The following PRKG1 variants were observed in gnomAD, a reference collection of about 807,000 sequenced individuals.
The protein encoded by PRKG1 is cGMP-dependent protein kinase 1.
Under a neutral mutation model 88.1 loss-of-function variants are expected in PRKG1, and 35 were observed. That is an observed-to-expected ratio of 0.40 (90% CI 0.30 to 0.53). The LOEUF is 0.53. PRKG1 is among the 20% of genes least tolerant of loss of function. PRKG1 has a pLI of 0.59. For missense variants in PRKG1, 540 were observed against 839.8 expected (o/e 0.64, Z 4.41); for synonymous variants, 303 against 292.5 (o/e 1.04, Z -0.37).
chr10:51,558,951 T>C (rs1837385833), intron 3 of PRKG1, among the ~76,000 whole-genome samples: 1 of 152,104 alleles, frequency 6.6e-6, no homozygotes, highest in Non-Finnish European at 1.5e-5. Context: ...CCCATGTCAT[T>C]GTGTTGTATC....
intron 3 of PRKG1, among the ~76,000 whole-genome samples, chr10:51,476,245 C>G (rs1397934259): frequency 6.6e-6 from 1 of 151,980 alleles, no homozygotes; most frequent in African/African-American, 2.4e-5. Context: ...TTGAAGGATA[C>G]AGGCAAGGAC....
chr10:51,213,352 A>T (rs1214612996), intron 2 of PRKG1, among the ~76,000 whole-genome samples: 1 of 152,156 alleles, frequency 6.6e-6, no homozygotes, highest in Non-Finnish European at 1.5e-5. Context: ...GCATTAGGAG[A>T]TATACCTAAT....
At chr10:51,348,374 C>T (rs527616459) in intron 2 of PRKG1, among the ~76,000 whole-genome samples, 43 of 152,118 alleles carry the variant, frequency 2.8e-4, no homozygotes, top group Admixed American at 6.5e-4. Flanking sequence ...AATATATAAT[C>T]TTTCAAAATA....
intron 3 of PRKG1, among the ~76,000 whole-genome samples, chr10:51,511,400 G>A (rs141711283): frequency 8.2e-4 from 124 of 152,114 alleles, no homozygotes; most frequent in African/African-American, 2.8e-3. Flanking sequence ...TAAAATGAAG[G>A]TACAACCCAC....
At chr10:51,377,395 A>C (rs1308634339) in intron 2 of PRKG1, among the ~76,000 whole-genome samples, 1 of 152,230 alleles carries the variant, frequency 6.6e-6, no homozygotes, top group Non-Finnish European at 1.5e-5. Context: ...GGCCATTACT[A>C]TCATATTATG....
At chr10:52,124,132 GACAGAGTAAGAC>G (rs1847880682) in intron 7 of PRKG1, among the ~76,000 whole-genome samples, 1 of 152,282 alleles carries the variant, frequency 6.6e-6, no homozygotes, top group South Asian at 2.1e-4. Flanking sequence ...GAGGAAGCAG[GACAGAGTAAGAC>G]TTAATTAAGC....
intron 3 of PRKG1, among the ~76,000 whole-genome samples, chr10:51,652,553 G>A (rs1266210879): frequency 2.6e-5 from 4 of 151,996 alleles, no homozygotes; most frequent in Non-Finnish European, 5.9e-5. Context: ...TCATGTCATC[G>A]ATCCCATTTC....
chr10:51,289,395 C>T (rs1840524478), intron 2 of PRKG1, among the ~76,000 whole-genome samples: 1 of 152,336 alleles, frequency 6.6e-6, no homozygotes, highest in Admixed American at 6.5e-5. Context: ...TATCCAGTCA[C>T]TGCTGATGCT....
intron 2 of PRKG1, 61 bp downstream of exon 2, chr10:51,153,391 C>A: frequency 1.4e-6 from 2 of 1,450,866 alleles, no homozygotes; most frequent in Non-Finnish European, 1.9e-6. Flanking sequence ...TTATCAGCTG[C>A]ACACAGATGG....
chr10:52,266,669 A>G (rs912797940), intron 10 of PRKG1, among the ~76,000 whole-genome samples: 3 of 152,064 alleles, frequency 2.0e-5, no homozygotes, highest in Admixed American at 2.0e-4. Flanking sequence ...TGTTTGATAC[A>G]TAACACTTTT....
intron 2 of PRKG1, among the ~76,000 whole-genome samples, chr10:51,282,821 A>G (rs1840335218): frequency 6.6e-6 from 1 of 152,006 alleles, no homozygotes; most frequent in South Asian, 2.1e-4. Context: ...TGCTGATTAA[A>G]CTTTTTTGAA....
At chr10:51,817,820 A>C (rs954043236) in intron 4 of PRKG1, among the ~76,000 whole-genome samples, 3 of 152,170 alleles carry the variant, frequency 2.0e-5, no homozygotes, top group African/African-American at 4.8e-5. Flanking sequence ...ATTCTAAATG[A>C]CATTAACTTC....
chr10:51,080,147 C>T (rs1442593004), intron 1 of PRKG1, among the ~76,000 whole-genome samples: 1 of 152,114 alleles, frequency 6.6e-6, no homozygotes, highest in Non-Finnish European at 1.5e-5. Flanking sequence ...GTCCCGGGAG[C>T]ATTTATAAAA....
At chr10:51,180,161 C>T (rs1221878404) in intron 2 of PRKG1, among the ~76,000 whole-genome samples, 2 of 152,136 alleles carry the variant, frequency 1.3e-5, no homozygotes, top group Non-Finnish European at 2.9e-5. Flanking sequence ...GCAAATACTG[C>T]AGGAGTTTTC....
chr10:51,303,749 A>G (rs535109060), intron 2 of PRKG1, among the ~76,000 whole-genome samples: 9 of 151,948 alleles, frequency 5.9e-5, no homozygotes, highest in Non-Finnish European at 1.2e-4. Flanking sequence ...TTAGAATTTA[A>G]TTCTCTTTAA....
At chr10:52,202,185 A>C (rs981374765) in intron 9 of PRKG1, among the ~76,000 whole-genome samples, 2 of 151,798 alleles carry the variant, frequency 1.3e-5, no homozygotes, top group African/African-American at 4.8e-5. Context: ...AGATGCTGTC[A>C]TAGGTGGCTT....
intron 4 of PRKG1, among the ~76,000 whole-genome samples, chr10:51,905,426 T>C (rs1842065450): frequency 6.6e-6 from 1 of 152,172 alleles, no homozygotes; most frequent in South Asian, 2.1e-4. Flanking sequence ...TATGGTATCA[T>C]TGTAATCAAG....
chr10:51,074,136 C>A (rs115043577), upstream of PRKG1, among the ~76,000 whole-genome samples: 242 of 151,072 alleles, frequency 1.6e-3, 2 homozygotes, highest in African/African-American at 5.7e-3. Context: ...ACCCGCACAC[C>A]CCCGGCGCGC....
At chr10:52,155,732 G>GAC (rs146109771) in intron 8 of PRKG1, among the ~76,000 whole-genome samples, 6,998 of 147,850 alleles carry the variant, frequency 0.047, 437 homozygotes, top group African/African-American at 0.15. Flanking sequence ...ATTGCCATTG[G>GAC]ACACACACAC....
Sources: allele counts gnomAD v4.1 joint callset (sites outside exome capture counted in the v4.1 genomes callset), GRCh38; gene constraint gnomAD v4.1.1; transcripts MANE v1.5; gene names NCBI Gene and HGNC (gene_info 2026-07-23, HGNC 2026-07-21).